FRMD4A: variants seen among roughly 807,000 people sequenced by gnomAD.
FRMD4A encodes the protein FERM domain-containing protein 4A.
In FRMD4A, 29 loss-of-function variants were observed where a neutral mutation model predicts 129.1. The observed-to-expected ratio is 0.22, with a 90% CI of 0.17 to 0.31. The LOEUF (loss-of-function observed/expected upper bound fraction) is 0.31, where lower values mean the gene tolerates loss of function less well. FRMD4A is among the 10% of genes least tolerant of loss of function. The pLI, the probability that FRMD4A is intolerant of heterozygous loss-of-function variation, is 1.00. For missense variants in FRMD4A, 1,272 were observed against 1,375.8 expected (o/e 0.92, Z 1.19); for synonymous variants, 634 against 571.6 (o/e 1.11, Z -1.56).
chr10:13,671,159 G>A (rs1001399005), intron 16 of FRMD4A, among the ~76,000 whole-genome samples: 1 of 152,170 alleles, frequency 6.6e-6, no homozygotes, highest in Non-Finnish European at 1.5e-5. Context: ...TAATTTAAAA[G>A]TTTTAGTAGA....
At chr10:14,274,539 G>A (rs897427066) in intron 2 of FRMD4A, among the ~76,000 whole-genome samples, 2 of 152,156 alleles carry the variant, frequency 1.3e-5, no homozygotes, top group Non-Finnish European at 2.9e-5. Context: ...CCAGTTCCTG[G>A]AAAGCTGTTA....
At chr10:13,783,889 T>C (rs1341130729) in intron 5 of FRMD4A, among the ~76,000 whole-genome samples, 1 of 152,242 alleles carries the variant, frequency 6.6e-6, no homozygotes, top group Non-Finnish European at 1.5e-5. Flanking sequence ...ATGCTGCCAT[T>C]ATTTAAGTTT....
At chr10:13,925,062 T>TAAAAAAAAAAAAAAAAA (rs57484737) in intron 2 of FRMD4A, among the ~76,000 whole-genome samples, 4 of 103,236 alleles carry the variant, frequency 3.9e-5, no homozygotes, top group African/African-American at 1.5e-4. Flanking sequence ...AGACTCCGTG[T>TAAAAAAAAAAAAAAAAA]AAAAAAAAAA....
chr10:13,807,309 C>T (rs2093372283), intron 4 of FRMD4A, among the ~76,000 whole-genome samples: 2 of 152,138 alleles, frequency 1.3e-5, no homozygotes, highest in Admixed American at 1.3e-4. Flanking sequence ...CAGAAGAGAG[C>T]ACTCGTAAAA....
intron 3 of FRMD4A, among the ~76,000 whole-genome samples, chr10:13,823,832 T>C (rs978622494): frequency 5.9e-5 from 9 of 152,212 alleles, no homozygotes; most frequent in Non-Finnish European, 1.2e-4. Flanking sequence ...TTATTCCATT[T>C]GCTCGATGTT....
chr10:14,015,646 G>C (rs913924323), intron 2 of FRMD4A, among the ~76,000 whole-genome samples: 1 of 152,106 alleles, frequency 6.6e-6, no homozygotes, highest in Admixed American at 6.5e-5. Flanking sequence ...CTTGTATTCT[G>C]TACCAAGCTC....
chr10:13,892,536 T>C (rs2094712888), intron 2 of FRMD4A, among the ~76,000 whole-genome samples: 1 of 152,176 alleles, frequency 6.6e-6, no homozygotes, highest in Admixed American at 6.5e-5. Flanking sequence ...TCACAGGGTA[T>C]GTCTAAATGT....
chr10:13,713,199 T>C (rs1274879441), intron 12 of FRMD4A, among the ~76,000 whole-genome samples: 2 of 152,184 alleles, frequency 1.3e-5, no homozygotes, highest in Non-Finnish European at 2.9e-5. Flanking sequence ...TTACACAGAA[T>C]CACAGCAGCC....
At chr10:14,144,538 G>A (rs998823925) in intron 2 of FRMD4A, among the ~76,000 whole-genome samples, 3 of 152,118 alleles carry the variant, frequency 2.0e-5, no homozygotes, top group Admixed American at 1.3e-4. Flanking sequence ...GTTTCTGCTT[G>A]AAACCACCTC....
chr10:14,108,349 C>T lies in FRMD4A; in HGVS notation c.45+221709G>A, dbSNP rs899974533. ...CATTTGAGCAGACTATTCAGCAGAT[C>T]CTTGGGGGCACTGATCACCAAATCT... On this transcript the variant is annotated intron_variant, in intron 2 of 24. Transcript: ENST00000357447. Among the ~76,000 whole-genome samples the T allele has an allele frequency of 3.9e-5, 6 of 152,146 alleles. 1 individual carries two copies. Among genetic ancestry groups the T allele is most frequent in the African/African-American group, 1.4e-4 (6 of 41,430 alleles).
At chr10:13,982,908 CCAA>C (rs1450981211) in intron 2 of FRMD4A, among the ~76,000 whole-genome samples, 1 of 152,206 alleles carries the variant, frequency 6.6e-6, no homozygotes, top group African/African-American at 2.4e-5. Flanking sequence ...GGTGCATCAG[CCAA>C]CAAGAAGTCC....
chr10:14,076,104 G>T (rs1001703110), intron 2 of FRMD4A, among the ~76,000 whole-genome samples: 1 of 152,116 alleles, frequency 6.6e-6, no homozygotes, highest in East Asian at 1.9e-4. Context: ...TTACTACAAG[G>T]CTGGCTCACT....
intron 11 of FRMD4A, among the ~76,000 whole-genome samples, chr10:13,738,404 C>A (rs1225499721): frequency 2.0e-5 from 3 of 152,188 alleles, no homozygotes. Flanking sequence ...TGACTCCTCT[C>A]ATTTTAACAA....
At chr10:13,713,654 C>A (rs2088267844) in intron 12 of FRMD4A, among the ~76,000 whole-genome samples, 1 of 151,386 alleles carries the variant, frequency 6.6e-6, no homozygotes, top group South Asian at 2.1e-4. Context: ...AATGTGAGAG[C>A]ACCCAGAAAG....
intron 2 of FRMD4A, among the ~76,000 whole-genome samples, chr10:13,874,110 T>A (rs2094466121): frequency 6.6e-6 from 1 of 151,310 alleles, no homozygotes; most frequent in Non-Finnish European, 1.5e-5. Context: ...GCTGGGCTTG[T>A]TGGCACACGT....
chr10:14,019,038 G>C (rs1260279377), intron 2 of FRMD4A, among the ~76,000 whole-genome samples: 1 of 152,164 alleles, frequency 6.6e-6, no homozygotes. Flanking sequence ...GTCTCCAGCA[G>C]AAGAATGTTA....
intron 2 of FRMD4A, among the ~76,000 whole-genome samples, chr10:13,948,755 G>A (rs1219267903): frequency 2.7e-5 from 4 of 148,784 alleles, no homozygotes; most frequent in East Asian, 4.0e-4. Flanking sequence ...AGGTTCAAGC[G>A]ATTCTCCTGC....
chr10:13,679,474 T>TATATACACACACACACAGACAC (rs1308155926), intron 15 of FRMD4A, among the ~76,000 whole-genome samples: 1 of 31,468 alleles, frequency 3.2e-5, no homozygotes, highest in African/African-American at 1.3e-4. Context: ...TATATATATA[T>TATATACACACACACACAGACAC]ACACACACAC....
At position 13,930,362 on chromosome 10, in the gene FRMD4A, C is replaced by G. The variant is rs574072218; in HGVS notation, c.46-71450G>C. On this transcript the variant is annotated intron_variant, in intron 2 of 24. Coordinates refer to ENST00000357447, the MANE Select transcript of FRMD4A (RefSeq NM_018027.5). ...GTGACAAGAGAGGGCTCCTGCTACT[C>G]TCTGGCTTCTCCGTTAAGCGTCTGA... Among the ~76,000 whole-genome samples the G allele has an allele frequency of 6.6e-5, 10 of 152,328 alleles. No homozygotes were observed. The East Asian group carries it at 1.9e-3, about 29-fold the overall frequency.
Sources: allele counts gnomAD v4.1 joint callset (sites outside exome capture counted in the v4.1 genomes callset), GRCh38; gene constraint gnomAD v4.1.1; transcripts MANE v1.5; gene names NCBI Gene and HGNC (gene_info 2026-07-23, HGNC 2026-07-21).